Variants in HELZ observed in about 807,000 individuals in gnomAD.
The protein encoded by HELZ is ATP-dependent RNA helicase with zinc finger domain.
HELZ carries 23 observed loss-of-function variants against 218.2 expected under a neutral mutation model. The observed-to-expected ratio is 0.11, with a 90% CI of 0.08 to 0.15. The LOEUF is 0.15. HELZ is among the 10% of genes least tolerant of loss of function. The pLI is 1.00. For synonymous variants in HELZ, 814 were observed against 829.4 expected, an observed-to-expected ratio of 0.98 and a Z score of 0.32; for missense variants, 1,813 against 2,353.7, an observed-to-expected ratio of 0.77 and a Z score of 4.75.
chr17:67,152,863 G>C (rs1026319996), intron 17 of HELZ, among the ~76,000 whole-genome samples: 2 of 151,664 alleles, frequency 1.3e-5, no homozygotes, highest in African/African-American at 2.4e-5. Context: ...AAGGAGCAAA[G>C]AAATAGGAGA....
chr17:67,232,052 C>CAA lies in HELZ; in HGVS notation c.-19+7379_-19+7380dup, dbSNP rs754429326. Reference sequence around the variant, plus strand: ...TGGGACAAAGAGCAAGACTCCATCTCAAAAAAAAAAAAAAAAAAAAAAAGT... The same window carrying CAA: ...TGGGACAAAGAGCAAGACTCCATCTCAAAAAAAAAAAAAAAAAAAAAAAAAGT... On this transcript the variant is annotated intron_variant, in intron 3 of 32. Coordinates refer to ENST00000358691, the MANE Select transcript of HELZ (RefSeq NM_014877.4). 8.7e-3 allele frequency among the ~76,000 whole-genome samples: 348 copies of CAA among 39,964 alleles called. 5 individuals are homozygous for CAA. Among genetic ancestry groups the CAA allele is most frequent in the African/African-American group, 0.016 (224 of 14,298 alleles). 26.2% of individuals were successfully genotyped at this position (39,964 alleles called of 152,430 possible). A position where few individuals can be genotyped will look rare whatever the true frequency, so the allele number is the denominator to read the frequency against.
At chr17:67,245,212 A>G (rs1382302404), upstream of HELZ, 1 of 985,472 alleles carries the variant, frequency 1.0e-6, no homozygotes, top group Non-Finnish European at 1.2e-6. Context: ...ATTATGGGTA[A>G]GAAAGAGCCT....
intron 17 of HELZ, among the ~76,000 whole-genome samples, 171 bp from the exon 18 acceptor site, chr17:67,151,395 T>C (rs2038677978): frequency 6.6e-6 from 1 of 152,190 alleles, no homozygotes; most frequent in Admixed American, 6.5e-5. Context: ...ATTGCCACTA[T>C]AACCACTGTG....
At chr17:67,183,234 C>A (rs537469184) in intron 12 of HELZ, among the ~76,000 whole-genome samples, 2 of 152,182 alleles carry the variant, frequency 1.3e-5, no homozygotes, top group African/African-American at 4.8e-5. Flanking sequence ...CTTTCTTTCA[C>A]CCAAACTGCC....
intron 12 of HELZ, among the ~76,000 whole-genome samples, chr17:67,182,396 C>G (rs2039639540): frequency 6.6e-6 from 1 of 152,024 alleles, no homozygotes; most frequent in Non-Finnish European, 1.5e-5. Flanking sequence ...AGTGAGCCAA[C>G]ACTGCACCAC....
Position 67,108,665 on chromosome 17 carries a change from C to G in HELZ, c.4551G>C (p.Gln1517His), listed in dbSNP as rs1043213630. The change falls in exon 30 of 33, where the codon CAG becomes CAC. Residue 1517 changes from glutamine (Q) to histidine (H), a missense_variant. Physicochemically the swap from Gln to His is conservative, Grantham distance 24. Coordinates refer to ENST00000358691, the MANE Select transcript of HELZ (RefSeq NM_014877.4). This position sits in a 1 kb window ranked among gnomAD's most constrained non-coding sequence, Gnocchi z 4.1. Reference sequence around the variant, plus strand: ...TGAGAAAGGCATGATGCTCGCTCCACTGCTGGAACCGTGCCTGCTGCTGCC... The same window carrying G: ...TGAGAAAGGCATGATGCTCGCTCCAGTGCTGGAACCGTGCCTGCTGCTGCC... ...TLRQQQARFQQWSEHHAFLSQ... is the reference protein window; with the variant it reads ...TLRQQQARFQHWSEHHAFLSQ... 1 of 1,614,182 alleles carries G rather than the reference C, an allele frequency of 6.2e-7. No homozygotes were observed. The highest frequency in any genetic ancestry group is 8.5e-7 in the Non-Finnish European group (1 of 1,180,018).
intron 3 of HELZ, among the ~76,000 whole-genome samples, chr17:67,223,091 C>CA (rs1170812696): frequency 0.31 from 29,854 of 95,096 alleles, 3,698 homozygotes; most frequent in African/African-American, 0.35. Context: ...ACTAAAAATA[C>CA]AAAAAAAAAA....
intron 4 of HELZ, among the ~76,000 whole-genome samples, chr17:67,217,255 T>A (rs2040623590): frequency 6.6e-6 from 1 of 152,146 alleles, no homozygotes; most frequent in Non-Finnish European, 1.5e-5. Context: ...ACAAAAAGTA[T>A]CGAGGTAAGT....
chr17:67,139,561 C>A (rs1310100172), intron 21 of HELZ, among the ~76,000 whole-genome samples: 2 of 152,086 alleles, frequency 1.3e-5, no homozygotes, highest in Admixed American at 6.6e-5. Context: ...TTCTGGGAAA[C>A]CTCTCTCCCA....
At chr17:67,151,701 A>G (rs1185702832) in intron 17 of HELZ, among the ~76,000 whole-genome samples, 1 of 152,246 alleles carries the variant, frequency 6.6e-6, no homozygotes, top group African/African-American at 2.4e-5. Context: ...TTTAGAATAT[A>G]TTCTTATACC....
intron 5 of HELZ, among the ~76,000 whole-genome samples, chr17:67,206,976 G>C (rs141708096): frequency 0.011 from 1,633 of 151,134 alleles, 19 homozygotes; most frequent in South Asian, 0.017. Context: ...GCAGTGGTAT[G>C]ATATCAGCGG....
At chr17:67,161,810 G>A (rs755611757) in intron 15 of HELZ, among the ~76,000 whole-genome samples, 1 of 152,142 alleles carries the variant, frequency 6.6e-6, no homozygotes, top group Non-Finnish European at 1.5e-5. Context: ...ACTTGGCTAA[G>A]TTTTGAAGAT....
intron 31 of HELZ, among the ~76,000 whole-genome samples, chr17:67,093,995 G>A (rs897492724): frequency 6.6e-6 from 1 of 152,124 alleles, no homozygotes; most frequent in Non-Finnish European, 1.5e-5. Flanking sequence ...CCCGCAACAT[G>A]TAATTTACCC....
rs118022861 is a variant in HELZ, at chr17:67,153,289, G to A, written c.2178-2065C>T. ...TGTATCCAGGAAAGGATGAGAGCTC[G>A]TTCACAAGAGGAGAGGTTGGCCCCT... On this transcript the variant is annotated intron_variant, in intron 17 of 32. Coordinates refer to ENST00000358691, the MANE Select transcript of HELZ (RefSeq NM_014877.4). 8.5e-5 allele frequency among the ~76,000 whole-genome samples: 13 copies of A among 152,266 alleles called. No homozygotes were observed. The East Asian group carries it at 2.5e-3, about 29-fold the overall frequency.
chr17:67,084,453 G>C (rs1474493997), intron 32 of HELZ, among the ~76,000 whole-genome samples: 5 of 151,622 alleles, frequency 3.3e-5, no homozygotes, highest in African/African-American at 9.7e-5. Flanking sequence ...ACAAGGTCAG[G>C]AGATCGAGAC....
chr17:67,133,391 C>A (rs1489298023), intron 23 of HELZ, among the ~76,000 whole-genome samples: 2 of 152,148 alleles, frequency 1.3e-5, no homozygotes, highest in Admixed American at 1.3e-4. Flanking sequence ...AAATGCTGAT[C>A]TCATGCAATT....
intron 13 of HELZ, among the ~76,000 whole-genome samples, chr17:67,177,173 AAACT>A (rs1454778621): frequency 6.6e-6 from 1 of 151,944 alleles, no homozygotes; most frequent in Non-Finnish European, 1.5e-5. Flanking sequence ...GGCTGGTCTC[AAACT>A]CTTGAGCACA....
intron 12 of HELZ, among the ~76,000 whole-genome samples, chr17:67,184,051 A>G (rs1448487073): frequency 6.6e-6 from 1 of 152,152 alleles, no homozygotes; most frequent in East Asian, 1.9e-4. Context: ...TTTTCCTCCA[A>G]TTCAAATTTG....
Position 67,238,766 on chromosome 17 carries a change from C to T in HELZ, c.-19+667G>A, listed in dbSNP as rs371683165. 1.6e-3 allele frequency among the ~76,000 whole-genome samples: 239 copies of T among 152,242 alleles called. 1 individual carries two copies. The highest frequency in any genetic ancestry group is 5.5e-3 in the African/African-American group (230 of 41,524). ...CTTCTAATTTATTTCTGTAGTATTACCATTTTCTAAGTGTAATAATGAAAG... is the reference window on the plus strand; with the variant it reads ...CTTCTAATTTATTTCTGTAGTATTATCATTTTCTAAGTGTAATAATGAAAG... On this transcript the variant is annotated intron_variant, in intron 3 of 32. Coordinates refer to ENST00000358691, the MANE Select transcript of HELZ (RefSeq NM_014877.4).
Sources: gnomAD v4.1 joint callset for allele counts (sites outside exome capture counted in the v4.1 genomes callset) on GRCh38, gnomAD v4.1.1 for gene constraint, Gnocchi (gnomAD v3.1) non-coding constraint, MANE v1.5 for transcripts, NCBI Gene and HGNC (gene_info 2026-07-23, HGNC 2026-07-21) for gene names.